Variants in ZMYM4 observed in about 807,000 individuals in gnomAD.
ZMYM4 encodes the protein zinc finger MYM-type containing 4, also known as zinc finger MYM-type protein 4.
A neutral mutation model predicts 183.2 loss-of-function variants in ZMYM4; 31 were observed. The ratio of observed to expected loss-of-function variants is 0.17; its 90% CI spans 0.13 to 0.23. The LOEUF is 0.23. Among genes scored for constraint, ZMYM4 ranks in the 10% least tolerant of loss-of-function variants. The pLI is 1.00. For synonymous variants in ZMYM4, 592 were observed against 631.2 expected (o/e 0.94, Z 0.93); for missense variants, 1,273 against 1,840.3 (o/e 0.69, Z 5.64).
rs1262248278 is a variant in ZMYM4, at chr1:35,352,267, G to GCA, written c.86-6657_86-6656insAC. ...TTTAAAAATTAGCGCGCACGCGCGC[G>GCA]CGCACACACACACACACACACACAC... is the stretch of plus-strand genomic sequence containing the variant. On this transcript the variant is annotated intron_variant, in intron 2 of 29. Transcript: ENST00000314607. Among the ~76,000 whole-genome samples, 258 of 78,274 alleles carry GCA rather than the reference G, an allele frequency of 3.3e-3. 5 individuals are homozygous for GCA. The highest frequency in any genetic ancestry group is 0.011 in the African/African-American group (244 of 22,626). 51.4% of individuals were successfully genotyped at this position (78,274 alleles called of 152,430 possible).
chr1:35,418,829 CT>C (rs1640223897), intron 29 of ZMYM4, among the ~76,000 whole-genome samples: 1 of 152,110 alleles, frequency 6.6e-6, no homozygotes, highest in Non-Finnish European at 1.5e-5. Flanking sequence ...GTTGTACAAC[CT>C]TTATGTGATA....
intron 26 of ZMYM4, among the ~76,000 whole-genome samples, chr1:35,412,865 A>G (rs1385416042): frequency 2.0e-5 from 3 of 152,118 alleles, no homozygotes; most frequent in Non-Finnish European, 4.4e-5. Context: ...AAATGGAAAT[A>G]ATTTTCTCCA....
rs753558673 is a variant in ZMYM4, at chr1:35,407,990, T to C, written c.3797-18T>C. ...TTGTTAAAAGTTAATGTTTCAGATG[T>C]TTTCTACCTTTCCACAGTCCGCTCT... On this transcript the variant is annotated intron_variant, in intron 25 of 29. Transcript: ENST00000314607. 6.2e-7 allele frequency: 1 copy of C among 1,614,020 alleles called. No homozygotes were observed. Among genetic ancestry groups the C allele is most frequent in the South Asian group, 1.1e-5 (1 of 91,074 alleles).
intron 2 of ZMYM4, among the ~76,000 whole-genome samples, chr1:35,349,544 G>C (rs1300264466): frequency 6.6e-6 from 1 of 151,954 alleles, no homozygotes; most frequent in African/African-American, 2.4e-5. Flanking sequence ...TTATGTGACA[G>C]CGGCCGAGCG....
intron 2 of ZMYM4, chr1:35,351,530 C>T: frequency 1.6e-6 from 2 of 1,263,422 alleles, no homozygotes; most frequent in Admixed American, 3.7e-5. Context: ...CAAAATATCC[C>T]TTGCTCAGAA....
intron 1 of ZMYM4, among the ~76,000 whole-genome samples, chr1:35,291,635 T>C (rs1044974740): frequency 7.6e-5 from 9 of 119,052 alleles, no homozygotes; most frequent in African/African-American, 2.9e-4. Context: ...TGATTGTTAC[T>C]TTTTTTTTTT....
intron 1 of ZMYM4, among the ~76,000 whole-genome samples, chr1:35,276,148 T>G (rs1416504290): frequency 6.6e-6 from 1 of 152,180 alleles, no homozygotes; most frequent in East Asian, 1.9e-4. Context: ...CTTCCCAATA[T>G]GTCTTACAAA....
intron 5 of ZMYM4, among the ~76,000 whole-genome samples, chr1:35,364,042 A>G (rs903743772): frequency 1.3e-5 from 2 of 152,238 alleles, no homozygotes; most frequent in Non-Finnish European, 2.9e-5. Context: ...TTTCAGAACA[A>G]TCAGAGGTTC....
chr1:35,399,418 C>T, intron 22 of ZMYM4, 64 bp from the exon 23 acceptor site: 3 of 1,427,528 alleles, frequency 2.1e-6, no homozygotes, highest in Admixed American at 1.8e-5. Flanking sequence ...CTTTACTAGT[C>T]TAAGTCTTTA....
chr1:35,383,606 T>G (rs1306181715), intron 9 of ZMYM4, among the ~76,000 whole-genome samples: 1 of 152,208 alleles, frequency 6.6e-6, no homozygotes, highest in Non-Finnish European at 1.5e-5. Flanking sequence ...CAAAAGACTG[T>G]TCTTTTCCTG....
At chr1:35,343,206 A>G (rs1643267867) in intron 2 of ZMYM4, among the ~76,000 whole-genome samples, 1 of 152,076 alleles carries the variant, frequency 6.6e-6, no homozygotes, top group Non-Finnish European at 1.5e-5. Context: ...ATGAAGCCCA[A>G]TTTTATTATT....
At chr1:35,311,952 ATCCTAGC>A (rs1641824253) in intron 1 of ZMYM4, among the ~76,000 whole-genome samples, 1 of 151,606 alleles carries the variant, frequency 6.6e-6, no homozygotes, top group South Asian at 2.1e-4. Flanking sequence ...TGCAGTGGTG[ATCCTAGC>A]TCACTGCAGC....
At chr1:35,290,504 TAGCTCACTGC>T (rs1284107972) in intron 1 of ZMYM4, among the ~76,000 whole-genome samples, 2 of 152,162 alleles carry the variant, frequency 1.3e-5, no homozygotes, top group East Asian at 3.8e-4. Context: ...GGTGCAATCA[TAGCTCACTGC>T]AGCTTTGAAC....
chr1:35,320,763 T>A (rs916598789), intron 1 of ZMYM4, among the ~76,000 whole-genome samples: 1 of 152,228 alleles, frequency 6.6e-6, no homozygotes, highest in Non-Finnish European at 1.5e-5. Flanking sequence ...TGGTGTGTGA[T>A]GAAAAAGTCC....
Position 35,315,233 on chromosome 1 carries a change from C to T in ZMYM4, c.40-10127C>T, listed in dbSNP as rs983991469. Among the ~76,000 whole-genome samples, 22 of 151,936 alleles carry T rather than the reference C, an allele frequency of 1.4e-4. 1 individual carries two copies. Among genetic ancestry groups the T allele is most frequent in the Non-Finnish European group, 4.4e-5 (3 of 67,988 alleles). On this transcript the variant is annotated intron_variant, in intron 1 of 29. Coordinates refer to ENST00000314607, the MANE Select transcript of ZMYM4 (RefSeq NM_005095.3). ...ATGTAAATTTAACACTCAAAAGATA[C>T]GTTTTGCAAAACTTCAATAGAACAT...
Position 35,396,558 on chromosome 1 carries a change from C to T in ZMYM4, c.2918C>T (p.Thr973Ile), listed in dbSNP as rs1271240100. 8.7e-6 allele frequency: 14 copies of T among 1,613,726 alleles called. No homozygotes were observed. In the East Asian group the frequency reaches 3.1e-4, roughly 36 times the overall value. Residue 973 changes from threonine (T) to isoleucine (I), a missense_variant, in exon 19 of 30, where the codon ACT (threonine) becomes ATT (isoleucine). Coordinates refer to ENST00000314607, the MANE Select transcript of ZMYM4 (RefSeq NM_005095.3). ...TTGTTGTTGTTACTGTTAGAAGACA[C>T]TCCAAGTCAGCCCCAGATTATTGTG... Reference protein sequence around the residue: ...TQNKECQTEDTPSQPQIIVVP... With the variant: ...TQNKECQTEDIPSQPQIIVVP...
At chr1:35,332,100 C>T (rs1441013706) in intron 2 of ZMYM4, among the ~76,000 whole-genome samples, 2 of 151,836 alleles carry the variant, frequency 1.3e-5, no homozygotes, top group East Asian at 3.8e-4. Context: ...AAATTATATA[C>T]ATATTTAAAA....
intron 5 of ZMYM4, among the ~76,000 whole-genome samples, chr1:35,368,402 G>C (rs1273199045): frequency 1.3e-5 from 2 of 152,132 alleles, no homozygotes; most frequent in Non-Finnish European, 2.9e-5. Context: ...CACAAAAATG[G>C]AAACAAATAT....
chr1:35,398,882 G>A lies in ZMYM4; in HGVS notation c.3272G>A (p.Ser1091Asn), dbSNP rs780425359. The A allele has an allele frequency of 7.4e-6, 12 of 1,614,130 alleles. No individual in the cohort carries two copies. Among genetic ancestry groups the A allele is most frequent in the Non-Finnish European group, 1.0e-5 (12 of 1,179,984 alleles). ...ATTTCAGACCAAGGAAGTACATACA[G>A]TGGTGATCTTGAATCAGAGGCAGTA... is the stretch of plus-strand genomic sequence containing the variant. Reference protein sequence around the residue: ...IFEKDQGSTYSGDLESEAVST... With the variant: ...IFEKDQGSTYNGDLESEAVST... The change falls in exon 22 of 30, where the codon AGT becomes AAT. Residue 1091 changes from serine (S) to asparagine (N), a missense_variant. Physicochemically the swap from Ser to Asn is conservative, Grantham distance 46. Coordinates refer to ENST00000314607, the MANE Select transcript of ZMYM4 (RefSeq NM_005095.3).
Sources: allele counts gnomAD v4.1 joint callset (sites outside exome capture counted in the v4.1 genomes callset), GRCh38; gene constraint gnomAD v4.1.1; transcripts MANE v1.5; gene names NCBI Gene and HGNC (gene_info 2026-07-23, HGNC 2026-07-21).